Variants in NHSL1 observed in about 807,000 individuals in gnomAD.
NHSL1 encodes NHS like 1.
A neutral mutation model predicts 95.0 loss-of-function variants in NHSL1; 48 were observed. That is an observed-to-expected ratio of 0.51 (90% CI 0.40 to 0.64). The LOEUF is 0.64. Ranked by LOEUF, NHSL1 falls within the 30% of genes least tolerant of loss-of-function variation. The probability of loss-of-function intolerance (pLI) is 0.00; values close to 1 mark genes in which losing one functional copy is unlikely to be tolerated. For missense variants in NHSL1, 1,971 were observed against 2,077.7 expected, an observed-to-expected ratio of 0.95 and a Z score of 1.00; for synonymous variants, 783 against 833.9, an observed-to-expected ratio of 0.94 and a Z score of 1.05.
upstream of NHSL1, among the ~76,000 whole-genome samples, chr6:138,549,847 TA>T (rs1782934463): frequency 6.6e-6 from 1 of 152,170 alleles, no homozygotes; most frequent in African/African-American, 2.4e-5. Context: ...GCTGAAATTA[TA>T]GGTATCACTA....
chr6:138,528,082 C>T (rs1583360244), intron 1 of NHSL1, among the ~76,000 whole-genome samples: 1 of 152,054 alleles, frequency 6.6e-6, no homozygotes, highest in Non-Finnish European at 1.5e-5. Flanking sequence ...GTAAATTATA[C>T]GTATAAAACT....
At chr6:138,607,149 T>G (rs923348567) in intron 1 of NHSL1, among the ~76,000 whole-genome samples, 1 of 152,196 alleles carries the variant, frequency 6.6e-6, no homozygotes, top group East Asian at 1.9e-4. Flanking sequence ...CTTTTCCAAT[T>G]CACTCAACTT....
intron 1 of NHSL1, among the ~76,000 whole-genome samples, chr6:138,558,583 C>T (rs1783289531): frequency 6.6e-6 from 1 of 151,858 alleles, no homozygotes. Flanking sequence ...ACCACCATGC[C>T]CAGCTAATTT....
At chr6:138,609,509 G>C (rs1784479057) in intron 1 of NHSL1, among the ~76,000 whole-genome samples, 2 of 152,110 alleles carry the variant, frequency 1.3e-5, no homozygotes, top group Admixed American at 1.3e-4. Context: ...CCAGCACTTT[G>C]GGAGGCCGAG....
chr6:138,433,292 A>C lies in NHSL1; in HGVS notation c.1053T>G (p.Asn351Lys). 6.4e-7 allele frequency: 1 copy of C among 1,551,672 alleles called. No individual in the cohort carries two copies. Among genetic ancestry groups the C allele is most frequent in the South Asian group, 1.2e-5 (1 of 84,044 alleles). ...LGALGPAGDM[N>K]GTFLYQRGHP... ...GACCTCTCTGGTAGAGGAAAGTGCC[A>C]TTCATGTCTCCTGCAGGGCCGAGGG... The change falls in exon 6 of 8, where the codon AAT becomes AAG. Residue 351 changes from asparagine (N) to lysine (K), a missense_variant. By Grantham distance (94) the Asn-to-Lys change is moderately conservative. Transcript: ENST00000343505.
At chr6:138,545,944 G>A (rs79908395), upstream of NHSL1, 446 of 494,832 alleles carry the variant, frequency 9.0e-4, no homozygotes, top group East Asian at 1.8e-3. Context: ...GCCCAAGGGC[G>A]AGCCCATTTG....
chr6:138,454,190 C>CGCGCGCGTGT (rs144366744), intron 3 of NHSL1, among the ~76,000 whole-genome samples: 47 of 151,152 alleles, frequency 3.1e-4, no homozygotes, highest in African/African-American at 3.7e-4. Flanking sequence ...TATATGTGTG[C>CGCGCGCGTGT]GTGTGTGTGT....
chr6:138,451,540 T>C (rs17782909), intron 3 of NHSL1, among the ~76,000 whole-genome samples: 11,096 of 152,302 alleles, frequency 0.073, 521 homozygotes, highest in Middle Eastern at 0.14. Context: ...TAGAAGGTTA[T>C]TTCAGAATTT....
chr6:138,490,676 A>G (rs1780019977), intron 2 of NHSL1, among the ~76,000 whole-genome samples: 1 of 152,242 alleles, frequency 6.6e-6, no homozygotes, highest in South Asian at 2.1e-4. Context: ...CTCTGTCACC[A>G]GGCTGGAGTG....
At chr6:138,451,739 C>A (rs1777251577) in intron 3 of NHSL1, among the ~76,000 whole-genome samples, 1 of 152,128 alleles carries the variant, frequency 6.6e-6, no homozygotes, top group Non-Finnish European at 1.5e-5. Flanking sequence ...AGATTAGAAG[C>A]CAGAACTGAC....
chr6:138,495,072 A>G (rs1583300911), intron 2 of NHSL1, among the ~76,000 whole-genome samples: 1 of 152,088 alleles, frequency 6.6e-6, no homozygotes. Flanking sequence ...GTGAAACCCC[A>G]TCTCTACTAA....
intron 2 of NHSL1, among the ~76,000 whole-genome samples, chr6:138,485,894 G>A (rs969699465): frequency 5.9e-5 from 9 of 152,230 alleles, no homozygotes; most frequent in Admixed American, 5.2e-4. Context: ...CACAAGACCT[G>A]AGCGAGAGAG....
chr6:138,432,982 T>C lies in NHSL1; in HGVS notation c.1363A>G (p.Ile455Val), dbSNP rs371660394. Residue 455 changes from isoleucine to valine, a missense_variant, in exon 6 of 8, where the codon ATC (isoleucine) becomes GTC (valine). Physicochemically the swap from Ile to Val is conservative, Grantham distance 29. Transcript: ENST00000343505. This position sits in a 1 kb window ranked among gnomAD's most constrained non-coding sequence, Gnocchi z 4.4. ...HARIKSRDHL[I>V]SRHAVKGDPQ... ...TCACCTTTCACAGCATGCCTGGAGA[T>C]GAGGTGGTCTCTGGATTTTATCCTT... is the stretch of plus-strand genomic sequence containing the variant. The C allele has an allele frequency of 5.8e-6, 9 of 1,550,980 alleles. No individual in the cohort carries two copies. In the African/African-American group the frequency reaches 1.2e-4, roughly 21 times the overall value.
intron 1 of NHSL1, among the ~76,000 whole-genome samples, chr6:138,599,437 A>G (rs2114554458): frequency 1.3e-5 from 2 of 152,208 alleles, no homozygotes; most frequent in South Asian, 4.1e-4. Flanking sequence ...ACCTGAATGC[A>G]GGAGACTGAG....
chr6:138,424,243 G>A lies in NHSL1; in HGVS notation c.4659C>T (p.Asp1553=). 1 of 1,505,094 alleles carries A rather than the reference G, an allele frequency of 6.6e-7. No homozygotes were observed. Among genetic ancestry groups the A allele is most frequent in the Non-Finnish European group, 8.9e-7 (1 of 1,126,224 alleles). 93.2% of individuals were successfully genotyped at this position (1,505,094 alleles called of 1,614,324 possible). Residue 1553 remains aspartate (D), a synonymous_variant, in exon 8 of 8, where the codon GAC becomes GAT. Transcript: ENST00000343505. This position sits in a 1 kb window ranked among gnomAD's most constrained non-coding sequence, Gnocchi z 5.9. ...CGTCCATCTCCTCCCTCGCCAGTCCGTCCAGGGAACATCCCTCCGCAGCGC... is the reference window on the plus strand; with the variant it reads ...CGTCCATCTCCTCCCTCGCCAGTCCATCCAGGGAACATCCCTCCGCAGCGC... ...ALGAAEGCSL[D]GLAREEMDEG... is the part of the protein sequence containing the mutation.
intron 2 of NHSL1, among the ~76,000 whole-genome samples, chr6:138,487,778 G>T (rs1779814238): frequency 6.6e-6 from 1 of 152,084 alleles, no homozygotes; most frequent in African/African-American, 2.4e-5. Context: ...TCATCTTCTG[G>T]AATCACTAAT....
At chr6:138,471,134 G>A (rs768717639) in intron 3 of NHSL1, among the ~76,000 whole-genome samples, 10 of 152,128 alleles carry the variant, frequency 6.6e-5, no homozygotes, top group Non-Finnish European at 8.8e-5. Context: ...GTACAGAGGA[G>A]TAGAAACTAA....
At chr6:138,425,458 C>T (rs568667636) in intron 7 of NHSL1, among the ~76,000 whole-genome samples, 1 of 152,286 alleles carries the variant, frequency 6.6e-6, no homozygotes, top group African/African-American at 2.4e-5. Flanking sequence ...CAGCTCACTG[C>T]AAGACCGCAT....
At chr6:138,506,998 G>A (rs1297576876) in intron 1 of NHSL1, among the ~76,000 whole-genome samples, 1 of 152,020 alleles carries the variant, frequency 6.6e-6, no homozygotes, top group Non-Finnish European at 1.5e-5. Flanking sequence ...TTTTGCATCC[G>A]GCATTTTTCT....
Sources: gnomAD v4.1 joint callset for allele counts (sites outside exome capture counted in the v4.1 genomes callset) on GRCh38, gnomAD v4.1.1 for gene constraint, Gnocchi (gnomAD v3.1) non-coding constraint, MANE v1.5 for transcripts, NCBI Gene and HGNC (gene_info 2026-07-23, HGNC 2026-07-21) for gene names.